Variants in CHRNA10 observed in about 807,000 individuals in gnomAD.
The protein encoded by CHRNA10 is neuronal acetylcholine receptor subunit alpha-10.
CHRNA10 carries 31 observed loss-of-function variants against 36.0 expected under a neutral mutation model. The observed-to-expected ratio is 0.86, with a 90% CI of 0.65 to 1.16. The LOEUF (loss-of-function observed/expected upper bound fraction) is 1.16, where lower values mean the gene tolerates loss of function less well. Ranked by LOEUF, CHRNA10 falls within the 50% of genes most tolerant of loss-of-function variation. The pLI is 0.00. For missense variants in CHRNA10, 648 were observed against 640.9 expected (o/e 1.01, Z -0.12); for synonymous variants, 302 against 287.0 (o/e 1.05, Z -0.53).
chr11:3,667,188 G>T (rs2077668797), intron 4 of CHRNA10, 44 bp downstream of exon 4: 1 of 1,504,116 alleles, frequency 6.6e-7, no homozygotes, highest in Non-Finnish European at 8.8e-7. Flanking sequence ...GCCCTGGGGG[G>T]ACCCCAGCGC....
chr11:3,666,575 G>T lies in CHRNA10; in HGVS notation c.896-11C>A, dbSNP rs377072324. On this transcript the variant is annotated splice_polypyrimidine_tract_variant and intron_variant, in intron 4 of 4. Coordinates refer to ENST00000250699, the MANE Select transcript of CHRNA10 (RefSeq NM_020402.4). Reference sequence around the variant, plus strand: ...CCATGTAGTACTTCCCTGCAAGAGAGAGAGAAAGCCAATTGACTCAAAACA... The same window carrying T: ...CCATGTAGTACTTCCCTGCAAGAGATAGAGAAAGCCAATTGACTCAAAACA... 2.6e-6 allele frequency: 4 copies of T among 1,516,426 alleles called. No homozygotes were observed. The Admixed American group carries it at 6.7e-5, about 25-fold the overall frequency. The allele number at this position is 1,516,426 out of a possible 1,614,324, so 93.9% of individuals were successfully genotyped here. A position where few individuals can be genotyped will look rare whatever the true frequency, so the allele number is the denominator to read the frequency against.
rs760882146 is a variant in CHRNA10, at chr11:3,669,866, C to G, written c.137G>C (p.Arg46Thr). ...DLFANYTSAL[R>T]PVADTDQTLN... ...AGTCTGGTCTGTGTCTGCCACAGGT[C>G]TCAGGGCACTTGTGTAGTTGGCAAA... Residue 46 changes from arginine (R) to threonine (T), a missense_variant, in exon 2 of 5, where the codon AGA becomes ACA. By Grantham distance (71) the Arg-to-Thr change is moderately conservative. Coordinates refer to ENST00000250699, the MANE Select transcript of CHRNA10 (RefSeq NM_020402.4). 7.4e-6 allele frequency: 12 copies of G among 1,614,154 alleles called. No homozygotes were observed. The highest frequency in any genetic ancestry group is 1.0e-5 in the Non-Finnish European group (12 of 1,180,016).
Position 3,666,319 on chromosome 11 carries a change from C to T in CHRNA10, c.1141G>A (p.Gly381Ser). 3.1e-6 allele frequency: 5 copies of T among 1,613,360 alleles called. No individual in the cohort carries two copies. Among genetic ancestry groups the T allele is most frequent in the Non-Finnish European group, 3.4e-6 (4 of 1,179,778 alleles). ...SPEGGAGPPAGPCHEPRCLCR... is the reference protein window; with the variant it reads ...SPEGGAGPPASPCHEPRCLCR... ...AGACATCGTGGCTCGTGGCAAGGGC[C>T]CGCTGGGGGGCCAGCCCCTCCTTCA... is the stretch of plus-strand genomic sequence containing the variant. The change falls in exon 5 of 5, where the codon GGC becomes AGC. Residue 381 changes from glycine to serine, a missense_variant. By Grantham distance (56) the Gly-to-Ser change is moderately conservative (BLOSUM62 0). Coordinates refer to ENST00000250699, the MANE Select transcript of CHRNA10 (RefSeq NM_020402.4).
In CHRNA10 at chr11:3,666,497, G is replaced by A. The variant is rs772034136; in HGVS notation, c.963C>T (p.Asn321=). Residue 321 remains asparagine, a synonymous_variant, in exon 5 of 5, where the codon AAC becomes AAT. Coordinates refer to ENST00000250699, the MANE Select transcript of CHRNA10 (RefSeq NM_020402.4). ...GGACACTGGGACCACAGTAATGCAG[G>A]TTCATGATAAGGATGGTGAGTGCTG... is the stretch of plus-strand genomic sequence containing the variant. ...FSTALTILIM[N]LHYCGPSVRP... 1.0e-5 allele frequency: 16 copies of A among 1,605,114 alleles called. No homozygotes were observed. Among genetic ancestry groups the A allele is most frequent in the Admixed American group, 1.7e-5 (1 of 58,866 alleles).
Position 3,667,625 on chromosome 11 carries a change from A to G in CHRNA10, c.502T>C (p.Cys168Arg), listed in dbSNP as rs2077677399. ...GTCCAGGAGCCGAACGTCAGGCCGC[A>G]GTGCTGGGCGTCGAACGGGAAGGCT... ...VAAFPFDAQHCGLTFGSWTHG... is the reference protein window; with the variant it reads ...VAAFPFDAQHRGLTFGSWTHG... The change falls in exon 4 of 5, where the codon TGC (cysteine) becomes CGC (arginine). Residue 168 changes from cysteine to arginine, a missense_variant. Transcript: ENST00000250699. 2 of 1,557,428 alleles carry G rather than the reference A, an allele frequency of 1.3e-6. No homozygotes were observed. The highest frequency in any genetic ancestry group is 1.7e-6 in the Non-Finnish European group (2 of 1,156,220).
At position 3,666,329 on chromosome 11, in the gene CHRNA10, G is replaced by A. The variant is rs1435429272; in HGVS notation, c.1131C>T (p.Gly377=). Residue 377 remains glycine (G), a synonymous_variant, in exon 5 of 5, where the codon GGC becomes GGT. Transcript: ENST00000250699. ...PSPQSPEGGA[G]PPAGPCHEPR... ...GCTCGTGGCAAGGGCCCGCTGGGGG[G>A]CCAGCCCCTCCTTCAGGCGACTGGG... 24 of 1,613,128 alleles carry A rather than the reference G, an allele frequency of 1.5e-5. No homozygotes were observed. The highest frequency in any genetic ancestry group is 1.9e-5 in the Non-Finnish European group (23 of 1,179,828).
Position 3,666,295 on chromosome 11 carries a change from G to A in CHRNA10, c.1165C>T (p.Leu389=), listed in dbSNP as rs1388276110. 1.2e-6 allele frequency: 2 copies of A among 1,613,628 alleles called. No homozygotes were observed. Among genetic ancestry groups the A allele is most frequent in the South Asian group, 1.1e-5 (1 of 91,024 alleles). ...TGCAGTAGGGCTTCCTGGCGGCACAGACATCGTGGCTCGTGGCAAGGGCCC... is the reference window on the plus strand; with the variant it reads ...TGCAGTAGGGCTTCCTGGCGGCACAAACATCGTGGCTCGTGGCAAGGGCCC... ...PAGPCHEPRC[L]CRQEALLHHV... The change falls in exon 5 of 5, where the codon CTG becomes TTG. Residue 389 remains leucine (L), a synonymous_variant. Coordinates refer to ENST00000250699, the MANE Select transcript of CHRNA10 (RefSeq NM_020402.4).
chr11:3,670,064 T>G, intron 1 of CHRNA10, 123 bp from the exon 2 acceptor site: 41 of 1,076,240 alleles, frequency 3.8e-5, no homozygotes, highest in Non-Finnish European at 4.6e-5. Context: ...CTGCCTTCTC[T>G]TGCTCTAGCT....
intron 1 of CHRNA10, among the ~76,000 whole-genome samples, chr11:3,670,542 A>C (rs1158594035): frequency 6.6e-6 from 1 of 152,118 alleles, no homozygotes; most frequent in Admixed American, 6.5e-5. Flanking sequence ...TCCACTCCTG[A>C]GTTTCCCACA....
rs896023477 is a variant in CHRNA10, at chr11:3,667,717, C to T, written c.410G>A (p.Arg137His). ...GTCCCAGCGCACGGCGCCATCGTGG[C>T]GCAGGACCACGTTGGTGCTGGCGGA... is the stretch of plus-strand genomic sequence containing the variant. ...PGSASTNVVL[R>H]HDGAVRWDAP... is the part of the protein sequence containing the mutation. Residue 137 changes from arginine to histidine, a missense_variant, in exon 4 of 5, where the codon CGC becomes CAC. By Grantham distance (29) the Arg-to-His change is conservative (BLOSUM62 0). Coordinates refer to ENST00000250699, the MANE Select transcript of CHRNA10 (RefSeq NM_020402.4). The T allele has an allele frequency of 6.4e-6, 10 of 1,572,128 alleles. No individual in the cohort carries two copies. In the Admixed American group the frequency reaches 1.4e-4, roughly 22 times the overall value.
In CHRNA10 at chr11:3,669,823, C is replaced by T. The variant is rs2133976142; in HGVS notation, c.180G>A (p.Glu60=). 1 of 1,614,186 alleles carries T rather than the reference C, an allele frequency of 6.2e-7. No homozygotes were observed. The highest frequency in any genetic ancestry group is 8.5e-7 in the Non-Finnish European group (1 of 1,180,032). ...DTDQTLNVTL[E]VTLSQIIDMD... ...TGTCGATGATCTGGGACAGTGTCAC[C>T]TCCAGGGTCACATTCAGAGTCTGGT... Residue 60 remains glutamate, a synonymous_variant, in exon 2 of 5, where the codon GAG becomes GAA. Transcript: ENST00000250699.
Position 3,667,359 on chromosome 11 carries a change from G to A in CHRNA10, c.768C>T (p.Leu256=), listed in dbSNP as rs146548502. 3.3e-4 allele frequency: 528 copies of A among 1,601,288 alleles called. No individual in the cohort carries two copies. In the Middle Eastern group the frequency reaches 5.5e-3, roughly 17 times the overall value. Reference sequence around the variant, plus strand: ...CTGAGTCGGCAGGCAGGTGGAAGGCGAGCGGCGCAAGCAGCGAGATGAGCA... The same window carrying A: ...CTGAGTCGGCAGGCAGGTGGAAGGCAAGCGGCGCAAGCAGCGAGATGAGCA... ...PCVLISLLAP[L]AFHLPADSGE... The change falls in exon 4 of 5, where the codon CTC becomes CTT. Residue 256 remains leucine, a synonymous_variant. Transcript: ENST00000250699.
At position 3,667,454 on chromosome 11, in the gene CHRNA10, CG is replaced by C. The variant is rs1564789136; in HGVS notation, c.672del (p.Asp225ThrfsTer82). ...CGCAGCAGCAGCGTGAAGGTGACGT[CG>C]GGGTAGGGCTCGGAGCAGCAGCCGT... The part of the protein sequence containing the change: ...LTYGCCSEPY[P>X]DVTFTLLLRR... On this transcript the variant is annotated frameshift_variant, in exon 4 of 5. Transcript: ENST00000250699. LOFTEE classifies it high-confidence loss of function. 6 of 1,594,356 alleles carry C rather than the reference CG, an allele frequency of 3.8e-6. No homozygotes were observed. Among genetic ancestry groups the C allele is most frequent in the Non-Finnish European group, 5.1e-6 (6 of 1,175,946 alleles).
Position 3,671,290 on chromosome 11 carries a change from A to T in CHRNA10, c.23T>A (p.Leu8His), listed in dbSNP as rs765785490. The change falls in exon 1 of 5, where the codon CTC (leucine) becomes CAC (histidine). Residue 8 changes from leucine to histidine, a missense_variant. By Grantham distance (99) the Leu-to-His change is moderately conservative. Transcript: ENST00000250699. ...AAACAGAAGCAGAAGGCCCAGGCTG[A>T]GGTGGTGGCTCCGGAGCCCCATGGC... Reference protein sequence around the residue: MGLRSHHLSLGLLLLFLL... With the variant: MGLRSHHHSLGLLLLFLL... 2 of 1,614,136 alleles carry T rather than the reference A, an allele frequency of 1.2e-6. No homozygotes were observed. Among genetic ancestry groups the T allele is most frequent in the Admixed American group, 3.3e-5 (2 of 60,030 alleles).
rs2077675468 is a variant in CHRNA10, at chr11:3,667,533, C to G, written c.594G>C (p.Glu198Asp). The G allele has an allele frequency of 1.3e-6, 2 of 1,586,372 alleles. No homozygotes were observed. Among genetic ancestry groups the G allele is most frequent in the Non-Finnish European group, 1.7e-6 (2 of 1,172,838 alleles). Residue 198 changes from glutamate (E) to aspartate (D), a missense_variant, in exon 4 of 5, where the codon GAG (glutamate) becomes GAC (aspartate). Physicochemically the swap from Glu to Asp is conservative, Grantham distance 45. Coordinates refer to ENST00000250699, the MANE Select transcript of CHRNA10 (RefSeq NM_020402.4). ...TGCCCAGCACGCGCCACTCCACGTT[C>G]TCCACGAAGTCCGCCAGGCTGGCTG... ...GAAASLADFV[E>D]NVEWRVLGMP...
chr11:3,667,583 GT>G lies in CHRNA10; in HGVS notation c.543del (p.Gln181HisfsTer126). The G allele has an allele frequency of 2.6e-6, 4 of 1,556,072 alleles. No individual in the cohort carries two copies. Among genetic ancestry groups the G allele is most frequent in the Non-Finnish European group, 3.5e-6 (4 of 1,155,742 alleles). On this transcript the variant is annotated frameshift_variant, in exon 4 of 5. Transcript: ENST00000250699. LOFTEE classifies it high-confidence loss of function. ...GCAGCGCCGCGCGGCCGCACATCCA[GT>G]TGGTGCCCGCCGTGAGTCCAGGAGC... is the stretch of plus-strand genomic sequence containing the variant. Reference protein sequence around the residue: ...TFGSWTHGGHQLDVRPRGAAA... With the variant: ...TFGSWTHGGHXLDVRPRGAAA...
chr11:3,666,588 T>C (rs1194723542), intron 4 of CHRNA10, 24 bp from the exon 5 acceptor site: 5 of 1,504,134 alleles, frequency 3.3e-6, no homozygotes, highest in Admixed American at 2.3e-5. Context: ...AGAAAGCCAA[T>C]TGACTCAAAA....
Position 3,667,313 on chromosome 11 carries a change from C to G in CHRNA10, c.814G>C (p.Val272Leu), listed in dbSNP as rs1394629163. The G allele has an allele frequency of 5.0e-6, 8 of 1,598,828 alleles. No homozygotes were observed. Among genetic ancestry groups the G allele is most frequent in the Non-Finnish European group, 6.8e-6 (8 of 1,178,086 alleles). Residue 272 changes from valine to leucine, a missense_variant, in exon 4 of 5, where the codon GTC becomes CTC. Val to Leu is a conservative substitution (Grantham distance 32). Transcript: ENST00000250699. ...ADSGEKVSLG[V>L]TVLLALTVFQ... is the part of the protein sequence containing the mutation. ...ACGGTGAGCGCCAGCAGCACGGTGA[C>G]GCCCAGCGACACCTTCTCGCCTGAG...
chr11:3,671,074 C>A (rs2077710211), intron 1 of CHRNA10, 178 bp downstream of exon 1: 4 of 640,870 alleles, frequency 6.2e-6, no homozygotes, highest in Admixed American at 5.5e-5. Context: ...CCTAGCCAGG[C>A]AAGTCTCCTC....
Sources: gnomAD v4.1 joint callset for allele counts (sites outside exome capture counted in the v4.1 genomes callset) on GRCh38, gnomAD v4.1.1 for gene constraint, MANE v1.5 for transcripts, NCBI Gene and HGNC (gene_info 2026-07-23, HGNC 2026-07-21) for gene names.